MECOM: variants seen among roughly 807,000 people sequenced by gnomAD.
The protein encoded by MECOM is histone-lysine N-methyltransferase MECOM.
Under a neutral mutation model 116.3 loss-of-function variants are expected in MECOM, and 13 were observed. The observed-to-expected ratio is 0.11, with a 90% CI of 0.07 to 0.18. The LOEUF is 0.18. MECOM is among the 10% of genes least tolerant of loss of function. The pLI, the probability that MECOM is intolerant of heterozygous loss-of-function variation, is 1.00. For synonymous variants in MECOM, 528 were observed against 535.2 expected (o/e 0.99, Z 0.19); for missense variants, 1,299 against 1,509.0 (o/e 0.86, Z 2.31).
chr3:169,119,376 C>T (rs1274040572), intron 7 of MECOM, among the ~76,000 whole-genome samples: 2 of 152,106 alleles, frequency 1.3e-5, no homozygotes, highest in African/African-American at 4.8e-5. Flanking sequence ...TTGAAGAATG[C>T]CATCTGCTAT....
chr3:169,182,767 A>G (rs142522006), intron 2 of MECOM, among the ~76,000 whole-genome samples: 121 of 152,328 alleles, frequency 7.9e-4, no homozygotes, highest in African/African-American at 2.9e-3. Context: ...TACAGGGCTC[A>G]AACAGATGAT....
At chr3:169,312,646 G>A (rs552348597) in intron 2 of MECOM, among the ~76,000 whole-genome samples, 6 of 152,306 alleles carry the variant, frequency 3.9e-5, no homozygotes, top group South Asian at 2.1e-4. Context: ...CCAAAGTGCC[G>A]GGATTACAGG....
At chr3:169,378,493 G>A (rs1731665076) in intron 2 of MECOM, among the ~76,000 whole-genome samples, 1 of 30,906 alleles carries the variant, frequency 3.2e-5, no homozygotes, top group African/African-American at 3.7e-4. Context: ...GAGAGAGAAA[G>A]AAAGAAAGAA....
At chr3:169,342,628 T>G (rs370863242) in intron 2 of MECOM, among the ~76,000 whole-genome samples, 25 of 152,330 alleles carry the variant, frequency 1.6e-4, no homozygotes, top group East Asian at 9.6e-4. Context: ...CTTGATGATA[T>G]GTAAAATGAA....
chr3:169,408,080 A>G (rs1736977457), intron 1 of MECOM, among the ~76,000 whole-genome samples: 1 of 152,230 alleles, frequency 6.6e-6, no homozygotes, highest in African/African-American at 2.4e-5. Context: ...ATATCTTCAA[A>G]GAACAGAATC....
At position 169,318,143 on chromosome 3, in the gene MECOM, T is replaced by G. The variant is rs540208615; in HGVS notation, c.375+63044A>C. 5.9e-5 allele frequency among the ~76,000 whole-genome samples: 9 copies of G among 152,264 alleles called. No homozygotes were observed. In the East Asian group the frequency reaches 1.5e-3, roughly 26 times the overall value. ...ACTCAAGATGGATTAAAGACTTAAA[T>G]GTAAGACCTAAAACCATAAAAACCC... On this transcript the variant is annotated intron_variant, in intron 2 of 16. Coordinates refer to ENST00000651503, the MANE Select transcript of MECOM (RefSeq NM_004991.4).
intron 2 of MECOM, among the ~76,000 whole-genome samples, chr3:169,223,826 T>A (rs754828766): frequency 5.0e-4 from 76 of 152,164 alleles, no homozygotes; most frequent in Non-Finnish European, 4.0e-4. Context: ...CTCCTCTGAT[T>A]TGGACCGTGA....
At chr3:169,421,771 G>T (rs1298614690) in intron 1 of MECOM, among the ~76,000 whole-genome samples, 2 of 151,990 alleles carry the variant, frequency 1.3e-5, no homozygotes, top group Admixed American at 6.6e-5. Flanking sequence ...CACTGCTCAG[G>T]CTCAGAAATT....
chr3:169,542,012 G>A (rs1026504710), intron 1 of MECOM, among the ~76,000 whole-genome samples: 4 of 152,106 alleles, frequency 2.6e-5, no homozygotes, highest in Non-Finnish European at 5.9e-5. Flanking sequence ...TTACTAGAAG[G>A]ATTATATAAA....
chr3:169,626,821 T>TC (rs1771433659), intron 1 of MECOM, among the ~76,000 whole-genome samples: 1 of 150,952 alleles, frequency 6.6e-6, no homozygotes, highest in Non-Finnish European at 1.5e-5. Context: ...GTTTCTTTTC[T>TC]CTTTTTTTTT....
At chr3:169,246,886 T>A (rs1269185818) in intron 2 of MECOM, among the ~76,000 whole-genome samples, 1 of 152,214 alleles carries the variant, frequency 6.6e-6, no homozygotes, top group Admixed American at 6.5e-5. Context: ...TGTTCTTTGC[T>A]TTAAGCAATA....
chr3:169,259,580 TTTGCCTGACACAG>T (rs1426665602), intron 2 of MECOM, among the ~76,000 whole-genome samples: 1 of 151,852 alleles, frequency 6.6e-6, no homozygotes, highest in Non-Finnish European at 1.5e-5. Flanking sequence ...AAAAAAAAAT[TTTGCCTGACACAG>T]TGGCACACAC....
At chr3:169,598,403 A>G (rs1767404941) in intron 1 of MECOM, among the ~76,000 whole-genome samples, 1 of 152,258 alleles carries the variant, frequency 6.6e-6, no homozygotes, top group South Asian at 2.1e-4. Context: ...ACATCTGCCA[A>G]TAAAACATAC....
intron 10 of MECOM, among the ~76,000 whole-genome samples, chr3:169,102,705 C>T (rs562659774): frequency 6.6e-6 from 1 of 152,208 alleles, no homozygotes; most frequent in Non-Finnish European, 1.5e-5. Context: ...TACAGAATTA[C>T]AGCTTAAGCC....
At chr3:169,137,781 CAG>C (rs1736802468) in intron 3 of MECOM, among the ~76,000 whole-genome samples, 1 of 151,934 alleles carries the variant, frequency 6.6e-6, no homozygotes, top group East Asian at 1.9e-4. Flanking sequence ...TGAAACAAAA[CAG>C]AGAGAGAATT....
chr3:169,535,436 G>T (rs1202939852), intron 1 of MECOM, among the ~76,000 whole-genome samples: 1 of 152,066 alleles, frequency 6.6e-6, no homozygotes, highest in Non-Finnish European at 1.5e-5. Flanking sequence ...GAAAATATAG[G>T]TAGAGACATG....
chr3:169,637,080 A>G (rs1772882844), intron 1 of MECOM, among the ~76,000 whole-genome samples: 1 of 152,188 alleles, frequency 6.6e-6, no homozygotes, highest in African/African-American at 2.4e-5. Context: ...TAGGTCATAA[A>G]AAGCCTTGCA....
chr3:169,136,172 AATTG>A (rs1490164249), intron 3 of MECOM, among the ~76,000 whole-genome samples: 3 of 151,762 alleles, frequency 2.0e-5, no homozygotes, highest in Non-Finnish European at 2.9e-5. Context: ...GGTGATATGA[AATTG>A]ATTGAGCAAA....
chr3:169,620,234 C>T (rs973230283), intron 1 of MECOM, among the ~76,000 whole-genome samples: 1 of 152,126 alleles, frequency 6.6e-6, no homozygotes, highest in African/African-American at 2.4e-5. Flanking sequence ...GGTTTATTTC[C>T]ATTGCAACCC....
Sources: allele counts gnomAD v4.1 joint callset (sites outside exome capture counted in the v4.1 genomes callset), GRCh38; gene constraint gnomAD v4.1.1; transcripts MANE v1.5; gene names NCBI Gene and HGNC (gene_info 2026-07-23, HGNC 2026-07-21).